The following IRAK2 variants were observed in gnomAD, a reference collection of about 807,000 sequenced individuals.
IRAK2 encodes interleukin-1 receptor-associated kinase-like 2.
Under a neutral mutation model 72.0 loss-of-function variants are expected in IRAK2, and 57 were observed. The ratio of observed to expected loss-of-function variants is 0.79; its 90% confidence interval spans 0.64 to 0.99. IRAK2 has a LOEUF of 0.99. Among genes scored for constraint, IRAK2 ranks in the 50% least tolerant of loss-of-function variants. IRAK2 has a pLI of 0.00. For missense variants in IRAK2, 790 were observed against 794.4 expected (o/e 0.99, Z 0.07); for synonymous variants, 293 against 312.7 (o/e 0.94, Z 0.67).
rs1698088921 is a variant in IRAK2 at position 10,243,217 on chromosome 3, TAG to T, written c.*993_*994del. ...GCCTGGCTAATTTTTGTGTTTTTAG[TAG>T]AGACAGGGTTTCACCATATTGGCCA... On this transcript the variant is annotated 3_prime_UTR_variant, in exon 13 of 13. Coordinates refer to ENST00000256458, the MANE Select transcript of IRAK2 (RefSeq NM_001570.4). 6.6e-6 allele frequency: 1 copy of T among 152,270 alleles called. No individual in the cohort carries two copies. The highest frequency in any genetic ancestry group is 2.4e-5 in the African/African-American group (1 of 41,440). 9.4% of individuals were successfully genotyped at this position (152,270 alleles called of 1,614,324 possible).
intron 11 of IRAK2, among the ~76,000 whole-genome samples, chr3:10,237,822 A>AAG (rs1553626762): frequency 8.1e-5 from 12 of 147,276 alleles, no homozygotes; most frequent in African/African-American, 1.7e-4. Flanking sequence ...AAAAAAAAAA[A>AAG]AAAGAAAGAA....
At chr3:10,174,242 A>C (rs1351008961) in intron 1 of IRAK2, among the ~76,000 whole-genome samples, 1 of 152,158 alleles carries the variant, frequency 6.6e-6, no homozygotes, top group African/African-American at 2.4e-5. Flanking sequence ...CTAACATAGC[A>C]ATTTAGGAAC....
intron 2 of IRAK2, among the ~76,000 whole-genome samples, chr3:10,178,221 G>A (rs1696908441): frequency 6.6e-6 from 1 of 152,202 alleles, no homozygotes; most frequent in Non-Finnish European, 1.5e-5. Flanking sequence ...ACTTCCGGAG[G>A]CTGAGGTAGG....
chr3:10,229,655 C>A (rs929033024), intron 10 of IRAK2, among the ~76,000 whole-genome samples: 2 of 152,120 alleles, frequency 1.3e-5, no homozygotes, highest in Admixed American at 6.5e-5. Context: ...ATGTTGTTGA[C>A]GTGTCAGTAA....
At chr3:10,192,864 A>C (rs1347046346) in intron 2 of IRAK2, among the ~76,000 whole-genome samples, 1 of 152,214 alleles carries the variant, frequency 6.6e-6, no homozygotes, top group Non-Finnish European at 1.5e-5. Flanking sequence ...AGTTGTAATG[A>C]GCAGAGATCG....
chr3:10,166,438 T>C (rs1696690248), intron 1 of IRAK2, among the ~76,000 whole-genome samples: 1 of 152,220 alleles, frequency 6.6e-6, no homozygotes, highest in East Asian at 1.9e-4. Context: ...GTCTCTGCTT[T>C]CCAGGTGGAG....
intron 10 of IRAK2, among the ~76,000 whole-genome samples, chr3:10,226,978 T>A (rs1364009737): frequency 6.6e-6 from 1 of 151,078 alleles, no homozygotes; most frequent in African/African-American, 2.4e-5. Flanking sequence ...TTTTGGAATG[T>A]TTATAGAAAG....
chr3:10,227,398 A>G (rs1171693759), intron 10 of IRAK2, among the ~76,000 whole-genome samples: 2 of 152,118 alleles, frequency 1.3e-5, no homozygotes, highest in African/African-American at 4.8e-5. Context: ...CGGTGAGCCA[A>G]GATTGCACCA....
chr3:10,173,535 G>C (rs1696828587), intron 1 of IRAK2, among the ~76,000 whole-genome samples: 2 of 152,120 alleles, frequency 1.3e-5, no homozygotes, highest in African/African-American at 4.8e-5. Context: ...AAAGGGTCTG[G>C]TTGAGACTGG....
At chr3:10,215,761 CACACACACACACAGAT>C (rs936815187) in intron 6 of IRAK2, among the ~76,000 whole-genome samples, 1 of 151,748 alleles carries the variant, frequency 6.6e-6, no homozygotes, top group African/African-American at 2.4e-5. Context: ...TACACACACA[CACACACACACACAGAT>C]ACACACACAC....
At chr3:10,223,201 G>C (rs1226840639) in intron 9 of IRAK2, among the ~76,000 whole-genome samples, 1 of 152,072 alleles carries the variant, frequency 6.6e-6, no homozygotes. Context: ...ATCCTCTCCT[G>C]ACTTCCGTAA....
In IRAK2 at chr3:10,213,499, C is replaced by A. The variant is rs1697555886; in HGVS notation, c.739C>A (p.Pro247Thr). ...KKLRETACSSPGSIERFFQAE... is the reference protein window; with the variant it reads ...KKLRETACSSTGSIERFFQAE... The stretch of plus-strand genomic sequence containing the variant: ...TTCTCTACAGACAGCCTGTTCAAGT[C>A]CAGGATCAATCGAAAGATTCTTCCA... The change falls in exon 6 of 13, where the codon CCA becomes ACA. Residue 247 changes from proline to threonine, a missense_variant. By Grantham distance (38) the Pro-to-Thr change is conservative. Transcript: ENST00000256458. 6.2e-7 allele frequency: 1 copy of A among 1,613,882 alleles called. No homozygotes were observed. The highest frequency in any genetic ancestry group is 8.5e-7 in the Non-Finnish European group (1 of 1,179,924).
In IRAK2 at chr3:10,177,767, G is replaced by T. The variant is rs958900771; in HGVS notation, c.95-71G>T. ...ATGTCCTGGAAAAGCCCAGCTAGGG[G>T]CTAGTGTGGGGACCTGTCCTAGAGG... On this transcript the variant is annotated intron_variant, in intron 1 of 12. Transcript: ENST00000256458. 1.8e-5 allele frequency: 27 copies of T among 1,462,864 alleles called. 1 individual carries two copies. In the South Asian group the frequency reaches 2.0e-4, roughly 11 times the overall value. The allele number at this position is 1,462,864 out of a possible 1,614,324, so 90.6% of individuals were successfully genotyped here.
chr3:10,206,279 G>A (rs1301293619), intron 3 of IRAK2, among the ~76,000 whole-genome samples: 2 of 152,172 alleles, frequency 1.3e-5, no homozygotes, highest in East Asian at 3.9e-4. Context: ...AACAGCCCCT[G>A]GGAAGCATGG....
chr3:10,210,885 A>C (rs776808), intron 4 of IRAK2, among the ~76,000 whole-genome samples: 10,744 of 152,042 alleles, frequency 0.071, 577 homozygotes, highest in East Asian at 0.2. Context: ...TTTTTTGAGG[A>C]GTCTCGCTCC....
At chr3:10,233,950 C>T (rs1254794042) in intron 10 of IRAK2, among the ~76,000 whole-genome samples, 1 of 152,100 alleles carries the variant, frequency 6.6e-6, no homozygotes, top group Non-Finnish European at 1.5e-5. Flanking sequence ...CCACCTCCCC[C>T]ACCATAGGTT....
chr3:10,198,875 C>T (rs1247307178), intron 2 of IRAK2, among the ~76,000 whole-genome samples: 1 of 152,150 alleles, frequency 6.6e-6, no homozygotes, highest in African/African-American at 2.4e-5. Context: ...GTCAGCAGCC[C>T]TTCCTGGGAC....
intron 2 of IRAK2, among the ~76,000 whole-genome samples, chr3:10,197,986 T>C (rs1398572781): frequency 6.6e-6 from 1 of 151,204 alleles, no homozygotes; most frequent in African/African-American, 2.4e-5. Flanking sequence ...GATCATGACG[T>C]CAGGAGATCG....
At chr3:10,202,469 A>G (rs937046180) in intron 3 of IRAK2, among the ~76,000 whole-genome samples, 1 of 151,890 alleles carries the variant, frequency 6.6e-6, no homozygotes, top group Non-Finnish European at 1.5e-5. Context: ...TAAAAATACA[A>G]AAAATTGGCC....
Sources: gnomAD v4.1 joint callset for allele counts (sites outside exome capture counted in the v4.1 genomes callset) on GRCh38, gnomAD v4.1.1 for gene constraint, MANE v1.5 for transcripts, NCBI Gene and HGNC (gene_info 2026-07-23, HGNC 2026-07-21) for gene names.